Variants in MINDY2 observed in about 807,000 individuals in gnomAD.
MINDY2 encodes the protein ubiquitin carboxyl-terminal hydrolase MINDY-2.
A neutral mutation model predicts 68.2 loss-of-function variants in MINDY2; 52 were observed. The observed-to-expected ratio is 0.76, with a 90% CI of 0.61 to 0.96. MINDY2 has a LOEUF of 0.96. Among genes scored for constraint, MINDY2 ranks in the 40% least tolerant of loss-of-function variants. MINDY2 has a pLI of 0.00. For missense variants in MINDY2, 881 were observed against 773.4 expected (o/e 1.14, Z -1.65); for synonymous variants, 372 against 303.0 (o/e 1.23, Z -2.36).
rs1276419368 is a variant in MINDY2, at chr15:58,819,639, C to T, written c.1123-2078C>T. ...TTTGCATTACTGGTGTGAGCCACCACACCCAACTTAGTGTAGCTATATTTT... is the reference window on the plus strand; with the variant it reads ...TTTGCATTACTGGTGTGAGCCACCATACCCAACTTAGTGTAGCTATATTTT... On this transcript the variant is annotated intron_variant, in intron 4 of 8. Coordinates refer to ENST00000559228, the MANE Select transcript of MINDY2 (RefSeq NM_001040450.3). Among the ~76,000 whole-genome samples the T allele has an allele frequency of 2.0e-5, 3 of 152,194 alleles. No individual in the cohort carries two copies. In the East Asian group the frequency reaches 5.8e-4, roughly 29 times the overall value.
intron 6 of MINDY2, among the ~76,000 whole-genome samples, chr15:58,842,164 C>T (rs1202670065): frequency 6.6e-6 from 1 of 151,982 alleles, no homozygotes; most frequent in Non-Finnish European, 1.5e-5. Context: ...CCTTTATATT[C>T]ATGTCATAAC....
intron 3 of MINDY2, among the ~76,000 whole-genome samples, chr15:58,804,464 G>A (rs763586984): frequency 1.3e-5 from 2 of 152,098 alleles, no homozygotes; most frequent in Middle Eastern, 3.4e-3. Flanking sequence ...TTTTACTTTC[G>A]TTGCCTAATC....
chr15:58,845,056 C>G (rs2032468326), intron 6 of MINDY2, among the ~76,000 whole-genome samples: 1 of 150,910 alleles, frequency 6.6e-6, no homozygotes, highest in African/African-American at 2.4e-5. Flanking sequence ...AAAAAAAAAT[C>G]TCATAATCAA....
At chr15:58,797,369 GTGA>G (rs1902351505) in intron 2 of MINDY2, among the ~76,000 whole-genome samples, 5 of 152,066 alleles carry the variant, frequency 3.3e-5, no homozygotes. Context: ...TTAGCCATGT[GTGA>G]TGATGCTTAC....
At position 58,772,029 on chromosome 15, in the gene MINDY2, C is replaced by T; in HGVS notation, c.634C>T (p.Pro212Ser). The T allele has an allele frequency of 6.2e-7, 1 of 1,601,808 alleles. No homozygotes were observed. The highest frequency in any genetic ancestry group is 8.5e-7 in the Non-Finnish European group (1 of 1,173,866). Residue 212 changes from proline (P) to serine (S), a missense_variant, in exon 1 of 9, where the codon CCC becomes TCC. Transcript: ENST00000559228. ...GGAGGAGGAGGGCGCGGCGGTGTTGCCCGGGGCTGTTCCTCTGTGCAAGGA... is the reference window on the plus strand; with the variant it reads ...GGAGGAGGAGGGCGCGGCGGTGTTGTCCGGGGCTGTTCCTCTGTGCAAGGA... ...PEEEEGAAVL[P>S]GAVPLCKEEE...
In MINDY2 at chr15:58,851,860, A is replaced by T. The variant is rs1426313853; in HGVS notation, c.1632A>T (p.Glu544Asp). Residue 544 changes from glutamate to aspartate, a missense_variant, in exon 8 of 9, where the codon GAA becomes GAT. Transcript: ENST00000559228. ...EQIPEGISDLELAKKLQEEED... is the reference protein window; with the variant it reads ...EQIPEGISDLDLAKKLQEEED... ...TCCCGGAAGGAATCAGTGATTTGGA[A>T]CTAGCAAAGAAACTCCAAGAGGAAG... 1 of 1,613,456 alleles carries T rather than the reference A, an allele frequency of 6.2e-7. No individual in the cohort carries two copies. The highest frequency in any genetic ancestry group is 1.3e-5 in the African/African-American group (1 of 74,830).
Position 58,851,931 on chromosome 15 carries a change from C to T in MINDY2, c.1703C>T (p.Ala568Val), listed in dbSNP as rs781445651. 109 of 1,591,100 alleles carry T rather than the reference C, an allele frequency of 6.9e-5. No homozygotes were observed. Among genetic ancestry groups the T allele is most frequent in the Non-Finnish European group, 9.1e-5 (107 of 1,174,376 alleles). The change falls in exon 8 of 9, where the codon GCA becomes GTA. Residue 568 changes from alanine (A) to valine (V), a missense_variant. Physicochemically the swap from Ala to Val is moderately conservative, Grantham distance 64. Transcript: ENST00000559228. ...SQYYQEQEQA[A>V]AAAAAASTQA... ...TACTATCAGGAACAGGAACAAGCAG[C>T]AGCTGCTGCTGCTGCTGCTTCTACA...
At chr15:58,825,751 T>G (rs1242678443) in intron 5 of MINDY2, among the ~76,000 whole-genome samples, 2 of 152,028 alleles carry the variant, frequency 1.3e-5, no homozygotes, top group Non-Finnish European at 2.9e-5. Flanking sequence ...GACTACAGGC[T>G]CACGCCACCA....
chr15:58,851,773 T>C lies in MINDY2; in HGVS notation c.1545T>C (p.Asp515=). 6.4e-7 allele frequency: 1 copy of C among 1,567,856 alleles called. No individual in the cohort carries two copies. Residue 515 remains aspartate, a splice_region_variant and synonymous_variant, in exon 8 of 9, where the codon GAT becomes GAC. Coordinates refer to ENST00000559228, the MANE Select transcript of MINDY2 (RefSeq NM_001040450.3). ...ATGGTTATAATTTAATTTATTAGGA[T>C]TATCTTATGGCATTATCTCTACAAC... ...YKGQQDQIDQ[D]YLMALSLQQE... is the part of the protein sequence containing the mutation.
chr15:58,850,860 T>C (rs1163367646), intron 7 of MINDY2, among the ~76,000 whole-genome samples: 1 of 152,174 alleles, frequency 6.6e-6, no homozygotes, highest in Non-Finnish European at 1.5e-5. Context: ...GTTCAGGGAA[T>C]ATAGGTGTGT....
At position 58,847,259 on chromosome 15, in the gene MINDY2, A is replaced by G. The variant is rs554163132; in HGVS notation, c.1369-38A>G. The G allele has an allele frequency of 3.8e-5, 57 of 1,495,408 alleles. 1 individual carries two copies. In the South Asian group the frequency reaches 6.7e-4, roughly 18 times the overall value. 92.6% of individuals were successfully genotyped at this position (1,495,408 alleles called of 1,614,324 possible). On this transcript the variant is annotated intron_variant, in intron 6 of 8. Transcript: ENST00000559228. ...AATATTATATTACTAGTTTTGATCA[A>G]TTTAACAGTCCTTTTTCTTTTGTTA...
At chr15:58,789,574 C>T (rs1411602909) in intron 2 of MINDY2, among the ~76,000 whole-genome samples, 1 of 151,644 alleles carries the variant, frequency 6.6e-6, no homozygotes, top group Admixed American at 6.6e-5. Context: ...CCTCCCACCT[C>T]AGCCTCCCGA....
At chr15:58,846,105 A>AAG (rs1381694185) in intron 6 of MINDY2, among the ~76,000 whole-genome samples, 2 of 151,974 alleles carry the variant, frequency 1.3e-5, no homozygotes, top group Admixed American at 6.6e-5. Flanking sequence ...AAAAAAAAAA[A>AAG]AAGAAAAAAC....
rs930356730 is a variant in MINDY2 at position 58,858,916 on chromosome 15, A to G, written c.*4306A>G. 4.6e-5 allele frequency: 7 copies of G among 152,162 alleles called. No homozygotes were observed. Among genetic ancestry groups the G allele is most frequent in the South Asian group, 2.1e-4 (1 of 4,834 alleles). 9.4% of individuals were successfully genotyped at this position (152,162 alleles called of 1,614,324 possible). A position where few individuals can be genotyped will look rare whatever the true frequency, so the allele number is the denominator to read the frequency against. On this transcript the variant is annotated 3_prime_UTR_variant, in exon 9 of 9. Coordinates refer to ENST00000559228, the MANE Select transcript of MINDY2 (RefSeq NM_001040450.3). ...CCTTGGGCAAACTTTCTGTGCCTCA[A>G]TGTACTCTTTAAATATGTGAAGGAT...
intron 5 of MINDY2, among the ~76,000 whole-genome samples, chr15:58,830,661 A>G (rs1398856172): frequency 1.3e-5 from 2 of 152,334 alleles, no homozygotes; most frequent in East Asian, 3.9e-4. Context: ...GCCTTTGTCT[A>G]CTGAATGCTA....
chr15:58,780,534 A>G (rs545648879), intron 1 of MINDY2, among the ~76,000 whole-genome samples: 4 of 152,378 alleles, frequency 2.6e-5, no homozygotes, highest in African/African-American at 9.6e-5. Flanking sequence ...CAAGATAGCA[A>G]TAAGTCTGGT....
chr15:58,812,527 T>C (rs1254956278), intron 4 of MINDY2, among the ~76,000 whole-genome samples: 1 of 151,856 alleles, frequency 6.6e-6, no homozygotes, highest in Non-Finnish European at 1.5e-5. Context: ...TTTGCAAAAT[T>C]TAGTAAAATA....
At chr15:58,813,046 A>G (rs1211594409) in intron 4 of MINDY2, among the ~76,000 whole-genome samples, 6 of 152,150 alleles carry the variant, frequency 3.9e-5, no homozygotes, top group African/African-American at 1.2e-4. Context: ...AATATTATAT[A>G]CAGTGTGTAA....
At chr15:58,827,608 C>T (rs1433793633) in intron 5 of MINDY2, among the ~76,000 whole-genome samples, 1 of 152,020 alleles carries the variant, frequency 6.6e-6, no homozygotes, top group Admixed American at 6.6e-5. Flanking sequence ...AGACTACAGG[C>T]GCCCGCCACC....
Sources: allele counts gnomAD v4.1 joint callset (sites outside exome capture counted in the v4.1 genomes callset), GRCh38; gene constraint gnomAD v4.1.1; transcripts MANE v1.5; gene names NCBI Gene and HGNC (gene_info 2026-07-23, HGNC 2026-07-21).